HEATR4: variants seen among roughly 807,000 people sequenced by gnomAD.
HEATR4 encodes HEAT repeat containing 4.
Under a neutral mutation model 108.8 loss-of-function variants are expected in HEATR4, and 95 were observed. That is an observed-to-expected ratio of 0.87 (90% confidence interval 0.74 to 1.04). HEATR4 has a LOEUF of 1.04. Among genes scored for constraint, HEATR4 ranks in the 50% least tolerant of loss-of-function variants. The pLI, the probability that HEATR4 is intolerant of heterozygous loss-of-function variation, is 0.00. For missense variants in HEATR4, 1,152 were observed against 1,253.8 expected, an observed-to-expected ratio of 0.92 and a Z score of 1.23; for synonymous variants, 443 against 459.4, an observed-to-expected ratio of 0.96 and a Z score of 0.46.
At chr14:73,629,821 AT>A in the HEATR4 span, among the ~76,000 whole-genome samples, 1 of 151,206 alleles carries the variant, frequency 6.6e-6, no homozygotes, top group Non-Finnish European at 1.5e-5. Flanking sequence ...ATTTTTTTGT[AT>A]TTTTTTAGTA....
chr14:73,562,619 GAATATT>G (rs1399145120), upstream of HEATR4, among the ~76,000 whole-genome samples: 3 of 151,856 alleles, frequency 2.0e-5, no homozygotes, highest in Admixed American at 6.6e-5. Context: ...TCCTAGTAAG[GAATATT>G]AATATTAATA....
the HEATR4 span, chr14:73,593,551 C>G: frequency 1.6e-6 from 1 of 619,406 alleles, no homozygotes; most frequent in African/African-American, 1.8e-5. Flanking sequence ...CTACATTGTC[C>G]AGGCTGGTCT....
chr14:73,560,307 C>G (rs1339051007), upstream of HEATR4, among the ~76,000 whole-genome samples: 1 of 152,026 alleles, frequency 6.6e-6, no homozygotes, highest in Non-Finnish European at 1.5e-5. Flanking sequence ...AGCACTTGAG[C>G]TCAAGCTGCA....
In HEATR4 at chr14:73,483,989, G is replaced by A. The variant is rs1336618762; in HGVS notation, c.2845-5147C>T. 1.1e-4 allele frequency among the ~76,000 whole-genome samples: 16 copies of A among 151,996 alleles called. No homozygotes were observed. In the East Asian group the frequency reaches 3.1e-3, roughly 29 times the overall value. ...CCTGTCTCAGCCTCCCGAGTAGCTG[G>A]GATTACAGGCATGCACCACCATACC... is the stretch of plus-strand genomic sequence containing the variant. On this transcript the variant is annotated intron_variant, in intron 17 of 17. Transcript: ENST00000553558.
intron 1 of HEATR4, chr14:73,530,673 G>C (rs1888656951): frequency 8.2e-6 from 1 of 122,252 alleles, no homozygotes; most frequent in African/African-American, 2.7e-5. Flanking sequence ...TTGAGACAGG[G>C]TCTCACTCTC....
the HEATR4 span, among the ~76,000 whole-genome samples, chr14:73,624,622 A>G: frequency 9.9e-5 from 15 of 152,092 alleles, no homozygotes; most frequent in African/African-American, 3.4e-4. Flanking sequence ...CCAACAAAAA[A>G]AACCCTCTTT....
chr14:73,524,310 A>AAAAATAT, intron 2 of HEATR4, among the ~76,000 whole-genome samples: 3,099 of 54,472 alleles, frequency 0.057, 143 homozygotes, highest in Non-Finnish European at 0.073. Context: ...AAAAAAAAAA[A>AAAAATAT]ATATATATAT....
At chr14:73,603,394 C>T in the HEATR4 span, among the ~76,000 whole-genome samples, 10 of 151,414 alleles carry the variant, frequency 6.6e-5, no homozygotes, top group Admixed American at 2.0e-4. Context: ...CTTGCTCTGT[C>T]GCCAGGCTGG....
At chr14:73,585,953 G>A in the HEATR4 span, among the ~76,000 whole-genome samples, 1 of 139,142 alleles carries the variant, frequency 7.2e-6, no homozygotes, top group African/African-American at 2.7e-5. Context: ...AGGCTGCAGT[G>A]AGCCAAGGTG....
chr14:73,537,434 C>G lies in HEATR4; in HGVS notation c.-151-7190G>C. Reference sequence around the variant, plus strand: ...GGTTCCTGCTCGGATGGCGGCGACGCTGATCCTGGAGCCCGCGGGCCGCTG... The same window carrying G: ...GGTTCCTGCTCGGATGGCGGCGACGGTGATCCTGGAGCCCGCGGGCCGCTG... On this transcript the variant is annotated intron_variant, in intron 1 of 17. Transcript: ENST00000553558. 3 of 1,233,966 alleles carry G rather than the reference C, an allele frequency of 2.4e-6. 1 individual carries two copies. The highest frequency in any genetic ancestry group is 3.2e-6 in the Non-Finnish European group (3 of 931,282). 76.4% of individuals were successfully genotyped at this position (1,233,966 alleles called of 1,614,324 possible). A position where few individuals can be genotyped will look rare whatever the true frequency, so the allele number is the denominator to read the frequency against.
At chr14:73,597,994 G>A in the HEATR4 span, among the ~76,000 whole-genome samples, 1 of 151,692 alleles carries the variant, frequency 6.6e-6, no homozygotes, top group Non-Finnish European at 1.5e-5. Flanking sequence ...AAAGTACTGG[G>A]ATTACAGGTG....
Position 73,498,191 on chromosome 14 carries a change from T to C in HEATR4, c.2510A>G (p.Asp837Gly), listed in dbSNP as rs1008518822. 1.1e-5 allele frequency: 18 copies of C among 1,613,788 alleles called. No individual in the cohort carries two copies. The highest frequency in any genetic ancestry group is 1.5e-5 in the Non-Finnish European group (18 of 1,179,808). ...ATCGTGGTTCTCCAGGAGCAGCACG[T>C]CTAGGAAGGTGTCCCTGACCCGGTC... Reference protein sequence around the residue: ...QGDRVRDTFLDVLLLENHDAV... With the variant: ...QGDRVRDTFLGVLLLENHDAV... Residue 837 changes from aspartate (D) to glycine (G), a missense_variant, in exon 14 of 18, where the codon GAC becomes GGC. Physicochemically the swap from Asp to Gly is moderately conservative, Grantham distance 94. Coordinates refer to ENST00000553558, the MANE Select transcript of HEATR4 (RefSeq NM_001220484.1).
intron 1 of HEATR4, among the ~76,000 whole-genome samples, chr14:73,535,465 C>CTTTTTTTTTTTTTTTTTTTTT: frequency 6.3e-5 from 1 of 15,806 alleles, no homozygotes. Context: ...TCTTTTTCTT[C>CTTTTTTTTTTTTTTTTTTTTT]TTTCTTTTTT....
At chr14:73,521,466 G>T (rs1595132947) in intron 3 of HEATR4, among the ~76,000 whole-genome samples, 1 of 152,132 alleles carries the variant, frequency 6.6e-6, no homozygotes, top group East Asian at 1.9e-4. Context: ...GCTCCTTAAA[G>T]GTACATATCT....
the HEATR4 span, among the ~76,000 whole-genome samples, chr14:73,579,212 C>T: frequency 1.4e-4 from 19 of 136,462 alleles, no homozygotes; most frequent in East Asian, 4.5e-4. Context: ...GCCGAGATCA[C>T]GCCATTGTAC....
chr14:73,593,049 C>T, the HEATR4 span, among the ~76,000 whole-genome samples: 1 of 152,194 alleles, frequency 6.6e-6, no homozygotes, highest in Non-Finnish European at 1.5e-5. Flanking sequence ...CTACAGGCAT[C>T]AGCCTGACTT....
chr14:73,611,721 G>A, the HEATR4 span: 1 of 152,160 alleles, frequency 6.6e-6, no homozygotes, highest in African/African-American at 2.4e-5. Flanking sequence ...TGAATTTAGA[G>A]GGTTATGTTT....
the HEATR4 span, among the ~76,000 whole-genome samples, chr14:73,570,869 C>G: frequency 6.8e-6 from 1 of 147,728 alleles, no homozygotes; most frequent in Admixed American, 6.8e-5. Flanking sequence ...CATGCCATTG[C>G]ACTCCAGCCT....
At chr14:73,562,232 G>A (rs547574433), upstream of HEATR4, among the ~76,000 whole-genome samples, 43 of 152,112 alleles carry the variant, frequency 2.8e-4, no homozygotes, top group South Asian at 8.3e-4. Flanking sequence ...GGCTGGAGCC[G>A]CGGCAGAGGA....
Sources: gnomAD v4.1 joint callset for allele counts (sites outside exome capture counted in the v4.1 genomes callset) on GRCh38, gnomAD v4.1.1 for gene constraint, MANE v1.5 for transcripts, NCBI Gene and HGNC (gene_info 2026-07-23, HGNC 2026-07-21) for gene names.